The following NIBAN1 variants were observed in gnomAD, a reference collection of about 807,000 sequenced individuals.
NIBAN1 encodes the protein protein Niban 1.
Under a neutral mutation model 75.1 loss-of-function variants are expected in NIBAN1, and 81 were observed. The observed-to-expected ratio is 1.08, with a 90% CI of 0.90 to 1.30. NIBAN1 has a LOEUF of 1.30. NIBAN1 is among the 50% of genes most tolerant of loss of function. The pLI is 0.00. For missense variants in NIBAN1, 1,133 were observed against 1,128.1 expected (o/e 1.00, Z -0.06); for synonymous variants, 436 against 424.8 (o/e 1.03, Z -0.32).
At chr1:184,928,088 C>T (rs1435602704) in intron 1 of NIBAN1, among the ~76,000 whole-genome samples, 1 of 152,088 alleles carries the variant, frequency 6.6e-6, no homozygotes, top group Non-Finnish European at 1.5e-5. Context: ...GAACTGGGGC[C>T]TTCCCTTCAA....
rs1655333362 is a variant in NIBAN1, at chr1:184,842,905, A to G, written c.602-10943T>C. Among the ~76,000 whole-genome samples the G allele has an allele frequency of 5.9e-5, 6 of 101,762 alleles. No individual in the cohort carries two copies. In the South Asian group the frequency reaches 9.6e-4, roughly 16 times the overall value. 66.8% of individuals were successfully genotyped at this position (101,762 alleles called of 152,430 possible). A position where few individuals can be genotyped will look rare whatever the true frequency, so the allele number is the denominator to read the frequency against. Reference sequence around the variant, plus strand: ...AGTTGATTTACACATCACGTTTGAGAAAAAAAAAATGACACAAAAGCAAAG... The same window carrying G: ...AGTTGATTTACACATCACGTTTGAGGAAAAAAAAATGACACAAAAGCAAAG... On this transcript the variant is annotated intron_variant, in intron 5 of 13. Coordinates refer to ENST00000367511, the MANE Select transcript of NIBAN1 (RefSeq NM_052966.4).
At position 184,965,788 on chromosome 1, in the gene NIBAN1, C is replaced by T. The variant is rs550251123; in HGVS notation, c.55+8514G>A. On this transcript the variant is annotated intron_variant, in intron 1 of 13. Transcript: ENST00000367511. ...ATGTAACAAACCTGCACGCGCTGCACATCTTCCCCTGAACTTAAAATAAAA... is the reference window on the plus strand; with the variant it reads ...ATGTAACAAACCTGCACGCGCTGCATATCTTCCCCTGAACTTAAAATAAAA... Among the ~76,000 whole-genome samples the T allele has an allele frequency of 2.0e-5, 3 of 152,262 alleles. No homozygotes were observed. The South Asian group carries it at 6.2e-4, about 32-fold the overall frequency.
chr1:184,965,159 T>C (rs1420035216), intron 1 of NIBAN1, among the ~76,000 whole-genome samples: 2 of 151,786 alleles, frequency 1.3e-5, no homozygotes, highest in Non-Finnish European at 2.9e-5. Context: ...ATTAGCCAGG[T>C]GTGGTGGTGG....
chr1:184,813,417 C>G (rs978432956), intron 9 of NIBAN1, among the ~76,000 whole-genome samples: 2 of 152,150 alleles, frequency 1.3e-5, no homozygotes, highest in Non-Finnish European at 2.9e-5. Context: ...CTAAATTATG[C>G]AGGTCAGATA....
At position 184,894,100 on chromosome 1, in the gene NIBAN1, G is replaced by A. The variant is rs201576168; in HGVS notation, c.293C>T (p.Ala98Val). The A allele has an allele frequency of 3.7e-6, 6 of 1,611,440 alleles. No individual in the cohort carries two copies. In the South Asian group the frequency reaches 5.5e-5, roughly 15 times the overall value. The stretch of plus-strand genomic sequence containing the variant: ...CTCTTTATTCTCATAGCTCTCCACA[G>A]CATAATCATTTTTAACTACAACGTA... ...ERYVVVKNDYAVESYENKEAY... is the reference protein window; with the variant it reads ...ERYVVVKNDYVVESYENKEAY... The change falls in exon 3 of 14, where the codon GCT becomes GTT. Residue 98 changes from alanine (A) to valine (V), a missense_variant. By Grantham distance (64) the Ala-to-Val change is moderately conservative (BLOSUM62 0). Coordinates refer to ENST00000367511, the MANE Select transcript of NIBAN1 (RefSeq NM_052966.4).
At chr1:184,803,524 G>A in intron 12 of NIBAN1, 61 bp downstream of exon 12, 2 of 1,348,338 alleles carry the variant, frequency 1.5e-6, no homozygotes, top group Non-Finnish European at 2.1e-6. Context: ...CATCACAAAA[G>A]AACTTGTTTG....
intron 10 of NIBAN1, 114 bp from the exon 11 acceptor site, chr1:184,806,170 G>T: frequency 1.4e-6 from 1 of 725,570 alleles, no homozygotes; most frequent in South Asian, 1.8e-5. Flanking sequence ...AGTCCCCTCG[G>T]CTGCTATTCG....
chr1:184,913,690 G>T (rs953909091), intron 1 of NIBAN1, among the ~76,000 whole-genome samples: 95 of 152,162 alleles, frequency 6.2e-4, no homozygotes, highest in African/African-American at 2.2e-3. Context: ...TGTTATGCAA[G>T]ATAAAAGTAC....
chr1:184,905,462 C>G (rs1479066744), intron 1 of NIBAN1, among the ~76,000 whole-genome samples: 1 of 152,204 alleles, frequency 6.6e-6, no homozygotes, highest in Non-Finnish European at 1.5e-5. Context: ...TCCCTATTGC[C>G]TAGGGTAGTA....
At chr1:184,812,622 C>G (rs1286687651) in intron 9 of NIBAN1, among the ~76,000 whole-genome samples, 2 of 152,212 alleles carry the variant, frequency 1.3e-5, no homozygotes, top group African/African-American at 4.8e-5. Flanking sequence ...TTCTCTTGGT[C>G]TCTGCCTTCC....
rs983192591 is a variant in NIBAN1, at chr1:184,796,048, G to A, written c.1716C>T (p.Asn572=). The change falls in exon 14 of 14, where the codon AAC becomes AAT. Residue 572 remains asparagine (N), a synonymous_variant. Coordinates refer to ENST00000367511, the MANE Select transcript of NIBAN1 (RefSeq NM_052966.4). ...ACACACTTTCACTGGGCAAGGCCATGTTATCTTCAAATAAGTTGTGTTTCT... is the reference window on the plus strand; with the variant it reads ...ACACACTTTCACTGGGCAAGGCCATATTATCTTCAAATAAGTTGTGTTTCT... The part of the protein sequence containing the change: ...ILKKHNLFED[N]MALPSESVSS... 1 of 1,586,938 alleles carries A rather than the reference G, an allele frequency of 6.3e-7. No homozygotes were observed. Among genetic ancestry groups the A allele is most frequent in the South Asian group, 1.1e-5 (1 of 88,568 alleles).
intron 9 of NIBAN1, among the ~76,000 whole-genome samples, chr1:184,814,009 G>C (rs1654457477): frequency 6.6e-6 from 1 of 152,168 alleles, no homozygotes; most frequent in Admixed American, 6.5e-5. Context: ...AGGTATGTAA[G>C]GAGAATTAAA....
intron 6 of NIBAN1, among the ~76,000 whole-genome samples, chr1:184,827,953 G>GTTTTTTTTTT (rs1174066517): frequency 1.0e-5 from 1 of 100,296 alleles, no homozygotes. Context: ...GGGTAGTTTT[G>GTTTTTTTTTT]TTTTTTGTTT....
At chr1:184,969,183 T>C (rs234101) in intron 1 of NIBAN1, among the ~76,000 whole-genome samples, 123,360 of 152,176 alleles carry the variant, frequency 0.81, 50,305 homozygotes, top group African/African-American at 0.87. Context: ...TTAAACATAA[T>C]GGGAGAATGC....
At chr1:184,917,858 T>C (rs1192340866) in intron 1 of NIBAN1, among the ~76,000 whole-genome samples, 1 of 152,154 alleles carries the variant, frequency 6.6e-6, no homozygotes, top group African/African-American at 2.4e-5. Context: ...TGCCCTCTTT[T>C]TTACCCTTAA....
chr1:184,938,483 T>A (rs1279384351), intron 1 of NIBAN1, among the ~76,000 whole-genome samples: 4 of 152,168 alleles, frequency 2.6e-5, no homozygotes, highest in Non-Finnish European at 5.9e-5. Context: ...TCCTTTCATC[T>A]TTCTTTTCTT....
At chr1:184,935,777 G>A (rs899722296) in intron 1 of NIBAN1, among the ~76,000 whole-genome samples, 16 of 144,350 alleles carry the variant, frequency 1.1e-4, no homozygotes, top group Non-Finnish European at 2.5e-4. Context: ...CACCAACTAA[G>A]TCAAGAGTTA....
intron 9 of NIBAN1, among the ~76,000 whole-genome samples, chr1:184,810,803 C>A (rs1286413180): frequency 6.6e-6 from 1 of 152,186 alleles, no homozygotes; most frequent in African/African-American, 2.4e-5. Context: ...GCGAATCATT[C>A]ATTGCTCAGG....
intron 6 of NIBAN1, among the ~76,000 whole-genome samples, chr1:184,824,667 G>T (rs531329422): frequency 1.2e-4 from 18 of 152,206 alleles, no homozygotes; most frequent in Admixed American, 7.8e-4. Flanking sequence ...GTGTACTTCT[G>T]GTAACCATAC....
Sources: allele counts gnomAD v4.1 joint callset (sites outside exome capture counted in the v4.1 genomes callset), GRCh38; gene constraint gnomAD v4.1.1; transcripts MANE v1.5; gene names NCBI Gene and HGNC (gene_info 2026-07-23, HGNC 2026-07-21).